Variants in MNDA observed in about 807,000 individuals in gnomAD.
MNDA encodes epididymis secretory sperm binding protein.
MNDA carries 43 observed loss-of-function variants against 37.8 expected under a neutral mutation model. That is an observed-to-expected ratio of 1.14 (90% CI 0.89 to 1.47). The LOEUF (loss-of-function observed/expected upper bound fraction) is 1.47, where lower values mean the gene tolerates loss of function less well. Among genes scored for constraint, MNDA ranks in the 40% most tolerant of loss-of-function variants. The pLI, the probability that MNDA is intolerant of heterozygous loss-of-function variation, is 0.00. For missense variants in MNDA, 536 were observed against 476.0 expected, an observed-to-expected ratio of 1.13 and a Z score of -1.17; for synonymous variants, 181 against 169.0, an observed-to-expected ratio of 1.07 and a Z score of -0.55.
Position 158,843,270 on chromosome 1 carries a change from T to C in MNDA, c.266-9T>C. ...GGCCTATTGTGCCCTTTTTCTTTTCTTTTGTCAGTTGCTAAGAAAATTAAA... is the reference window on the plus strand; with the variant it reads ...GGCCTATTGTGCCCTTTTTCTTTTCCTTTGTCAGTTGCTAAGAAAATTAAA... On this transcript the variant is annotated splice_polypyrimidine_tract_variant and intron_variant, in intron 2 of 6. Transcript: ENST00000368141. The C allele has an allele frequency of 6.2e-7, 1 of 1,604,048 alleles. No individual in the cohort carries two copies. Among genetic ancestry groups the C allele is most frequent in the Non-Finnish European group, 8.5e-7 (1 of 1,176,394 alleles).
At chr1:158,843,437 A>G (rs371208048) in intron 3 of MNDA, 22 bp downstream of exon 3, 2 of 1,579,886 alleles carry the variant, frequency 1.3e-6, no homozygotes, top group African/African-American at 1.4e-5. Context: ...AAAGAGGAGC[A>G]GGACTGAAGC....
chr1:158,843,160 AG>A (rs1571657973), intron 2 of MNDA, 118 bp from the exon 3 acceptor site: 2 of 1,308,328 alleles, frequency 1.5e-6, no homozygotes, highest in African/African-American at 3.0e-5. Flanking sequence ...TAGAGGTAAC[AG>A]GCAAATCCGA....
At chr1:158,836,880 TG>T (rs1658926210) in intron 1 of MNDA, among the ~76,000 whole-genome samples, 1 of 151,904 alleles carries the variant, frequency 6.6e-6, no homozygotes, top group African/African-American at 2.4e-5. Context: ...CCATATTCTT[TG>T]CATTTAATGA....
Position 158,843,386 on chromosome 1 carries a change from G to A in MNDA, c.373G>A (p.Glu125Lys). The A allele has an allele frequency of 6.2e-7, 1 of 1,611,310 alleles. No individual in the cohort carries two copies. The highest frequency in any genetic ancestry group is 8.5e-7 in the Non-Finnish European group (1 of 1,178,740). The change falls in exon 3 of 7, where the codon GAA becomes AAA. Residue 125 changes from glutamate (E) to lysine (K), a missense_variant. Physicochemically the swap from Glu to Lys is moderately conservative, Grantham distance 56. Coordinates refer to ENST00000368141, the MANE Select transcript of MNDA (RefSeq NM_002432.3). ...APTARNKLTS[E>K]ARGRIPVAQK... is the part of the protein sequence containing the mutation. ...CACCGCAAGAAACAAACTGACATCG[G>A]AAGCAAGAGGGAGGATTCCTGTAGC...
rs377403856 is a variant in MNDA at position 158,847,995 on chromosome 1, C to G, written c.1176+79C>G. ...TAGGCTTTGGGAACACCAGGTTCCT[C>G]ATGTATTACTCAGAGAGTCCAGCGA... On this transcript the variant is annotated intron_variant, in intron 6 of 6. Coordinates refer to ENST00000368141, the MANE Select transcript of MNDA (RefSeq NM_002432.3). 1,200 of 1,322,938 alleles carry G rather than the reference C, an allele frequency of 9.1e-4. 18 individuals are homozygous for G. The South Asian group carries it at 0.015, about 16-fold the overall frequency. The allele number at this position is 1,322,938 out of a possible 1,614,324, so 81.9% of individuals were successfully genotyped here.
chr1:158,844,617 A>G (rs921804101), intron 4 of MNDA, among the ~76,000 whole-genome samples: 4 of 151,404 alleles, frequency 2.6e-5, no homozygotes, highest in Non-Finnish European at 5.9e-5. Context: ...CTAACCAGAA[A>G]TCCTCTACCT....
intron 6 of MNDA, 29 bp from the exon 7 acceptor site, chr1:158,849,161 C>T (rs1396294878): frequency 1.3e-6 from 2 of 1,568,574 alleles, no homozygotes; most frequent in Admixed American, 1.7e-5. Flanking sequence ...TCTAGGGTCT[C>T]ATTATGTCTT....
intron 4 of MNDA, 31 bp downstream of exon 4, chr1:158,844,153 T>C (rs1659088790): frequency 6.7e-7 from 1 of 1,490,632 alleles, no homozygotes; most frequent in Non-Finnish European, 9.0e-7. Flanking sequence ...TTCTCCATTT[T>C]TTTTTAACCC....
At chr1:158,833,319 T>C (rs111917817) in intron 1 of MNDA, among the ~76,000 whole-genome samples, 28 of 152,352 alleles carry the variant, frequency 1.8e-4, no homozygotes, top group African/African-American at 6.5e-4. Context: ...TTGTTTTCTT[T>C]TAATTGTGTT....
At chr1:158,842,478 A>G (rs929454129) in intron 2 of MNDA, 60 bp downstream of exon 2, 1 of 1,528,348 alleles carries the variant, frequency 6.5e-7, no homozygotes, top group African/African-American at 1.4e-5. Flanking sequence ...TCTTCAGTAG[A>G]ACCCCACCTT....
intron 1 of MNDA, among the ~76,000 whole-genome samples, chr1:158,838,657 T>G (rs1325394672): frequency 6.6e-6 from 1 of 152,140 alleles, no homozygotes; most frequent in Admixed American, 6.6e-5. Flanking sequence ...CAGTCCTTAT[T>G]TACTCAATAA....
rs751846194 is a variant in MNDA at position 158,844,086 on chromosome 1, C to A, written c.534C>A (p.Thr178=). ...AAVDHPPLPQ[T]SSSTPSNTSF... ...TGGATCATCCCCCACTACCCCAGAC[C>A]TCATCATCAACTCCATCCAACACTT... Residue 178 remains threonine, a synonymous_variant, in exon 4 of 7, where the codon ACC becomes ACA. Coordinates refer to ENST00000368141, the MANE Select transcript of MNDA (RefSeq NM_002432.3). 1 of 1,605,250 alleles carries A rather than the reference C, an allele frequency of 6.2e-7. No individual in the cohort carries two copies. Among genetic ancestry groups the A allele is most frequent in the Non-Finnish European group, 8.5e-7 (1 of 1,176,576 alleles).
At chr1:158,840,268 A>G (rs1223632409) in intron 1 of MNDA, among the ~76,000 whole-genome samples, 2 of 152,292 alleles carry the variant, frequency 1.3e-5, no homozygotes, top group East Asian at 3.9e-4. Flanking sequence ...ATGAAGAAAT[A>G]CCTGAGACTG....
chr1:158,832,493 T>C (rs1358894991), intron 1 of MNDA, among the ~76,000 whole-genome samples: 1 of 151,774 alleles, frequency 6.6e-6, no homozygotes, highest in African/African-American at 2.4e-5. Flanking sequence ...ATTTCTACCA[T>C]ATATTTTTAC....
At chr1:158,833,177 C>T (rs1231933617) in intron 1 of MNDA, among the ~76,000 whole-genome samples, 1 of 152,102 alleles carries the variant, frequency 6.6e-6, no homozygotes. Flanking sequence ...AAAGTATTTG[C>T]TTGATCTTTC....
intron 1 of MNDA, among the ~76,000 whole-genome samples, 162 bp downstream of exon 1, chr1:158,831,719 T>C (rs921374970): frequency 6.6e-6 from 1 of 152,326 alleles, no homozygotes; most frequent in Non-Finnish European, 1.5e-5. Context: ...CAAATGGATA[T>C]CTTTTATTCT....
intron 1 of MNDA, among the ~76,000 whole-genome samples, chr1:158,835,141 G>A (rs976127586): frequency 3.3e-5 from 5 of 152,200 alleles, no homozygotes; most frequent in Admixed American, 6.5e-5. Context: ...TTTTGTGTTC[G>A]TGTAAAAAAC....
chr1:158,841,495 A>G (rs1659027460), intron 1 of MNDA, among the ~76,000 whole-genome samples: 1 of 152,230 alleles, frequency 6.6e-6, no homozygotes, highest in South Asian at 2.1e-4. Context: ...ATTCCACACT[A>G]GAGAGCAGAT....
At chr1:158,835,618 GGGC>G (rs200963428) in intron 1 of MNDA, among the ~76,000 whole-genome samples, 1,580 of 88,394 alleles carry the variant, frequency 0.018, 60 homozygotes, top group African/African-American at 0.063. Flanking sequence ...TTTTTGGTGG[GGGC>G]GGGGGGTGGG....
Sources: gnomAD v4.1 joint callset for allele counts (sites outside exome capture counted in the v4.1 genomes callset) on GRCh38, gnomAD v4.1.1 for gene constraint, MANE v1.5 for transcripts, NCBI Gene and HGNC (gene_info 2026-07-23, HGNC 2026-07-21) for gene names.